AUH: variants seen among roughly 807,000 people sequenced by gnomAD.
AUH encodes the protein AU RNA binding methylglutaconyl-CoA hydratase.
In AUH, 29 loss-of-function variants were observed where a neutral mutation model predicts 42.3. The ratio of observed to expected loss-of-function variants is 0.69; its 90% CI spans 0.51 to 0.93. The LOEUF (loss-of-function observed/expected upper bound fraction) is 0.93, where lower values mean the gene tolerates loss of function less well. Ranked by LOEUF, AUH falls within the 40% of genes least tolerant of loss-of-function variation. The probability of loss-of-function intolerance (pLI) is 0.00; values close to 1 mark genes in which losing one functional copy is unlikely to be tolerated. For missense variants in AUH, 452 were observed against 438.1 expected, an observed-to-expected ratio of 1.03 and a Z score of -0.28; for synonymous variants, 174 against 166.4, an observed-to-expected ratio of 1.05 and a Z score of -0.35.
chr9:91,261,153 C>A lies in AUH; in HGVS notation c.655+34868G>T, dbSNP rs76107722. Reference sequence around the variant, plus strand: ...CCTGGGTCGTATTTTCCTGCTTCATCATCTCTACTACTTTTTTATTGGTTG... The same window carrying A: ...CCTGGGTCGTATTTTCCTGCTTCATAATCTCTACTACTTTTTTATTGGTTG... On this transcript the variant is annotated intron_variant, in intron 6 of 9. Transcript: ENST00000375731. Among the ~76,000 whole-genome samples, 794 of 152,240 alleles carry A rather than the reference C, an allele frequency of 5.2e-3. 26 individuals are homozygous for A. In the East Asian group the frequency reaches 0.091, roughly 17 times the overall value.
At chr9:91,343,043 C>T (rs1831223030) in intron 3 of AUH, 1 of 152,114 alleles carries the variant, frequency 6.6e-6, no homozygotes, top group Non-Finnish European at 1.5e-5. Flanking sequence ...GCATATAATA[C>T]ATATAACATA....
At chr9:91,265,165 A>G (rs558438237) in intron 6 of AUH, among the ~76,000 whole-genome samples, 1 of 152,062 alleles carries the variant, frequency 6.6e-6, no homozygotes, top group African/African-American at 2.4e-5. Context: ...ATCTCTGGGA[A>G]TTATCTTCCT....
chr9:91,216,048 G>A lies in AUH; in HGVS notation c.942+11C>T, dbSNP rs766121943. On this transcript the variant is annotated intron_variant, in intron 9 of 9. Transcript: ENST00000375731. Reference sequence around the variant, plus strand: ...GGTCATCCTCATTGAATTTGTGATTGCATTACATACCTGAGCATAACAAGC... The same window carrying A: ...GGTCATCCTCATTGAATTTGTGATTACATTACATACCTGAGCATAACAAGC... 1 of 1,605,292 alleles carries A rather than the reference G, an allele frequency of 6.2e-7. No individual in the cohort carries two copies. The highest frequency in any genetic ancestry group is 1.7e-5 in the Admixed American group (1 of 60,008).
chr9:91,254,820 T>C (rs1207080850), intron 6 of AUH, among the ~76,000 whole-genome samples: 1 of 152,186 alleles, frequency 6.6e-6, no homozygotes, highest in Non-Finnish European at 1.5e-5. Context: ...GGACAATCAA[T>C]ATATCCTTAA....
intron 3 of AUH, among the ~76,000 whole-genome samples, chr9:91,340,295 T>C (rs1450192950): frequency 2.6e-5 from 4 of 152,068 alleles, no homozygotes; most frequent in African/African-American, 9.7e-5. Context: ...CAAAACCAAT[T>C]GACAGTTATT....
At chr9:91,355,675 A>G (rs191499212) in intron 3 of AUH, among the ~76,000 whole-genome samples, 1 of 152,254 alleles carries the variant, frequency 6.6e-6, no homozygotes, top group East Asian at 1.9e-4. Flanking sequence ...ATTTTTTTTC[A>G]ACTTCCAAAA....
At chr9:91,256,952 T>A (rs1829434519) in intron 6 of AUH, among the ~76,000 whole-genome samples, 1 of 152,104 alleles carries the variant, frequency 6.6e-6, no homozygotes, top group Admixed American at 6.5e-5. Flanking sequence ...TCAAAGCTTC[T>A]CTCTCCTTTT....
intron 8 of AUH, among the ~76,000 whole-genome samples, chr9:91,216,880 A>C (rs577909595): frequency 7.2e-5 from 11 of 152,368 alleles, no homozygotes; most frequent in African/African-American, 2.6e-4. Flanking sequence ...CACACTGAGA[A>C]GCTAAAGGTG....
intron 6 of AUH, among the ~76,000 whole-genome samples, chr9:91,228,596 C>T (rs1306390677): frequency 1.4e-5 from 2 of 145,290 alleles, no homozygotes; most frequent in Non-Finnish European, 3.0e-5. Context: ...CTTCTGCTAG[C>T]TTTTGAATGT....
intron 6 of AUH, among the ~76,000 whole-genome samples, chr9:91,228,276 T>C (rs952436215): frequency 2.1e-4 from 32 of 152,256 alleles, no homozygotes; most frequent in Non-Finnish European, 4.0e-4. Flanking sequence ...CGTGGTTTAG[T>C]CTTGGAAGAG....
intron 7 of AUH, among the ~76,000 whole-genome samples, chr9:91,220,576 A>G (rs928146033): frequency 2.0e-5 from 3 of 152,184 alleles, no homozygotes; most frequent in Non-Finnish European, 4.4e-5. Flanking sequence ...ATATTTTATC[A>G]AAGTGTGGCT....
Position 91,361,818 on chromosome 9 carries a change from G to A in AUH, c.72C>T (p.Ala24=), listed in dbSNP as rs1017749670. 1 of 1,509,960 alleles carries A rather than the reference G, an allele frequency of 6.6e-7. No homozygotes were observed. 93.5% of individuals were successfully genotyped at this position (1,509,960 alleles called of 1,614,324 possible). Residue 24 remains alanine, a synonymous_variant, in exon 1 of 10, where the codon GCC becomes GCT. Transcript: ENST00000375731. ...CCGGGCAGAGCCACGCACTGCAAGC[G>A]GCCACCAGGCGGGCGCCGCCAGCAT... is the stretch of plus-strand genomic sequence containing the variant. ...SLHAGGARLV[A]ACSAWLCPGL... is the part of the protein sequence containing the mutation.
chr9:91,254,369 G>A (rs1036372714), intron 6 of AUH, among the ~76,000 whole-genome samples: 6 of 152,316 alleles, frequency 3.9e-5, no homozygotes, highest in East Asian at 1.9e-4. Context: ...TGGCTGAGAC[G>A]GGGTGCAGAC....
chr9:91,283,081 G>T (rs577234371), intron 6 of AUH, among the ~76,000 whole-genome samples: 1 of 152,116 alleles, frequency 6.6e-6, no homozygotes, highest in Non-Finnish European at 1.5e-5. Context: ...CTGGCAAAAC[G>T]AATCCAGCAG....
chr9:91,229,855 C>A (rs1250677576), intron 6 of AUH, among the ~76,000 whole-genome samples: 6 of 151,450 alleles, frequency 4.0e-5, no homozygotes, highest in African/African-American at 9.7e-5. Flanking sequence ...GTTGAAAATT[C>A]TTTTCTTTAA....
chr9:91,279,435 A>G (rs970534099), intron 6 of AUH, among the ~76,000 whole-genome samples: 1 of 152,196 alleles, frequency 6.6e-6, no homozygotes, highest in Admixed American at 6.5e-5. Flanking sequence ...AGTAATTTAT[A>G]AAGAAAAGAG....
intron 1 of AUH, among the ~76,000 whole-genome samples, chr9:91,359,349 C>T (rs1042943635): frequency 6.6e-5 from 10 of 152,180 alleles, no homozygotes; most frequent in Admixed American, 2.0e-4. Flanking sequence ...AAATGTTCAA[C>T]GTATCTACAT....
At chr9:91,285,987 A>G (rs1054974646) in intron 6 of AUH, among the ~76,000 whole-genome samples, 2 of 152,136 alleles carry the variant, frequency 1.3e-5, no homozygotes, top group African/African-American at 2.4e-5. Flanking sequence ...CTTTTTTAAA[A>G]AAAATCGTTT....
At chr9:91,265,942 C>CT (rs896228661) in intron 6 of AUH, among the ~76,000 whole-genome samples, 43 of 151,536 alleles carry the variant, frequency 2.8e-4, no homozygotes, top group African/African-American at 4.8e-4. Flanking sequence ...GTAATTATAC[C>CT]TTTTTTTTTC....
Sources: gnomAD v4.1 joint callset for allele counts (sites outside exome capture counted in the v4.1 genomes callset) on GRCh38, gnomAD v4.1.1 for gene constraint, MANE v1.5 for transcripts, NCBI Gene and HGNC (gene_info 2026-07-23, HGNC 2026-07-21) for gene names.